UBAP2: variants seen among roughly 807,000 people sequenced by gnomAD.
UBAP2 encodes ubiquitin-associated protein 2.
In UBAP2, 75 loss-of-function variants were observed where a neutral mutation model predicts 139.6. The ratio of observed to expected loss-of-function variants is 0.54; its 90% CI spans 0.45 to 0.65. The LOEUF is 0.65. Ranked by LOEUF, UBAP2 falls within the 30% of genes least tolerant of loss-of-function variation. UBAP2 has a pLI of 0.00. For missense variants in UBAP2, 1,368 were observed against 1,369.6 expected (o/e 1.00, Z 0.02); for synonymous variants, 526 against 526.2 (o/e 1.00, Z 0.01).
chr9:34,013,859 AGAGCGAGGCTC>A (rs1823994725), intron 2 of UBAP2, among the ~76,000 whole-genome samples: 3 of 152,150 alleles, frequency 2.0e-5, no homozygotes, highest in African/African-American at 7.2e-5. Flanking sequence ...CCTGGGCGAC[AGAGCGAGGCTC>A]CATCTCAAAA....
At position 33,953,549 on chromosome 9, in the gene UBAP2, A is replaced by G. The variant is rs1029530005; in HGVS notation, c.867-75T>C. The G allele has an allele frequency of 9.9e-6, 14 of 1,412,020 alleles. No individual in the cohort carries two copies. In the South Asian group the frequency reaches 1.9e-4, roughly 19 times the overall value. The allele number at this position is 1,412,020 out of a possible 1,614,324, so 87.5% of individuals were successfully genotyped here. On this transcript the variant is annotated intron_variant, in intron 11 of 28. Coordinates refer to ENST00000379238, the MANE Select transcript of UBAP2 (RefSeq NM_001370062.2). ...ACAAATGAATGTGAGAAGTCAATCA[A>G]TATATAGTGAATTTACATTAAAAAT...
intron 6 of UBAP2, among the ~76,000 whole-genome samples, chr9:33,984,656 C>A (rs542888214): frequency 6.6e-6 from 1 of 150,456 alleles, no homozygotes; most frequent in African/African-American, 2.5e-5. Context: ...CCAGCCTGGG[C>A]AACAGAGTGA....
Position 33,948,370 on chromosome 9 carries a change from C to G in UBAP2, c.1270+4G>C. The G allele has an allele frequency of 6.2e-7, 1 of 1,604,020 alleles. No homozygotes were observed. Among genetic ancestry groups the G allele is most frequent in the African/African-American group, 1.3e-5 (1 of 74,874 alleles). On this transcript the variant is annotated splice_donor_region_variant and intron_variant, in intron 13 of 28. Transcript: ENST00000379238. ...GGGCAAACCCACAAACAATGTATAC[C>G]TACCAAGATGACTGAGGACTGAGGA...
intron 3 of UBAP2, chr9:33,996,902 A>C (rs187259313): frequency 6.6e-6 from 1 of 152,204 alleles, no homozygotes; most frequent in East Asian, 1.9e-4. Context: ...ATATAGTGAG[A>C]CCTCATCTTT....
At chr9:34,024,871 C>G (rs957030122) in intron 1 of UBAP2, among the ~76,000 whole-genome samples, 3 of 151,842 alleles carry the variant, frequency 2.0e-5, no homozygotes, top group Non-Finnish European at 4.4e-5. Context: ...GTAATCCCAG[C>G]TATTTGGGAG....
At chr9:34,028,997 T>C (rs1361191468) in intron 1 of UBAP2, among the ~76,000 whole-genome samples, 1 of 151,826 alleles carries the variant, frequency 6.6e-6, no homozygotes, top group African/African-American at 2.4e-5. Flanking sequence ...ACACCTGGAA[T>C]CCCACCCATT....
At chr9:33,995,407 A>G (rs1822079369) in intron 4 of UBAP2, 1 of 139,008 alleles carries the variant, frequency 7.2e-6, no homozygotes, top group Non-Finnish European at 1.5e-5. Context: ...TATATATATA[A>G]AGTATATATA....
chr9:34,041,929 G>A (rs1760815), intron 1 of UBAP2, among the ~76,000 whole-genome samples: 91,149 of 151,556 alleles, frequency 0.6, 27,792 homozygotes, highest in East Asian at 0.82. Flanking sequence ...GGAGGCTGAG[G>A]AAGGAGAATC....
chr9:34,015,578 C>T (rs1436324071), intron 2 of UBAP2, among the ~76,000 whole-genome samples: 2 of 152,070 alleles, frequency 1.3e-5, no homozygotes, highest in African/African-American at 2.4e-5. Flanking sequence ...CTGTCCACCT[C>T]GGCCTCCCAA....
At chr9:33,937,231 GA>G (rs1341324726) in intron 16 of UBAP2, among the ~76,000 whole-genome samples, 1 of 152,038 alleles carries the variant, frequency 6.6e-6, no homozygotes, top group Non-Finnish European at 1.5e-5. Context: ...TATACAGAGG[GA>G]AAAGTCTGAC....
intron 9 of UBAP2, among the ~76,000 whole-genome samples, chr9:33,962,862 C>T (rs998932570): frequency 1.3e-5 from 2 of 150,532 alleles, no homozygotes; most frequent in African/African-American, 4.9e-5. Flanking sequence ...CCTGTAAATC[C>T]CGGCTACTTG....
rs773651012 is a variant in UBAP2, at chr9:33,933,519, C to A, written c.2079G>T (p.Leu693=). ...TAAGCTGAGAGAGAGGGCTGCTAGT[C>A]AGGTCGCCAGTGTGCTGGGATGTGG... The part of the protein sequence containing the change: ...LPSTSQHTGD[L]TSSPLSQLSS... Residue 693 remains leucine, a synonymous_variant, in exon 18 of 29, where the codon CTG becomes CTT. Transcript: ENST00000379238. The A allele has an allele frequency of 1.9e-6, 3 of 1,613,914 alleles. No individual in the cohort carries two copies. The South Asian group carries it at 3.3e-5, about 18-fold the overall frequency.
intron 6 of UBAP2, among the ~76,000 whole-genome samples, chr9:33,974,437 G>A (rs1012444271): frequency 6.6e-6 from 1 of 152,146 alleles, no homozygotes; most frequent in Admixed American, 6.5e-5. Context: ...AGCCTGCGAA[G>A]TTGAGGCTGC....
intron 10 of UBAP2, among the ~76,000 whole-genome samples, chr9:33,958,594 G>T (rs569799213): frequency 6.6e-6 from 1 of 151,166 alleles, no homozygotes; most frequent in Admixed American, 6.6e-5. Flanking sequence ...TTTTAGTAGA[G>T]ACACGGTTTC....
At chr9:33,962,008 G>A (rs575958018) in intron 9 of UBAP2, among the ~76,000 whole-genome samples, 16 of 152,250 alleles carry the variant, frequency 1.1e-4, no homozygotes, top group Non-Finnish European at 1.5e-4. Context: ...TTTCAAAACC[G>A]AAAACATTTA....
In UBAP2 at chr9:34,048,379, G is replaced by C. The variant is rs528573989; in HGVS notation, c.-42+446C>G. On this transcript the variant is annotated intron_variant, in intron 1 of 28. Transcript: ENST00000379238. ...CCAGGAAAGGTTAGAGAGCGCATAAGTTGGGGCTATAACAGGGCCAGTCCC... is the reference window on the plus strand; with the variant it reads ...CCAGGAAAGGTTAGAGAGCGCATAACTTGGGGCTATAACAGGGCCAGTCCC... Among the ~76,000 whole-genome samples, 8 of 152,348 alleles carry C rather than the reference G, an allele frequency of 5.3e-5. No individual in the cohort carries two copies. In the South Asian group the frequency reaches 1.7e-3, roughly 32 times the overall value.
At position 33,980,220 on chromosome 9, in the gene UBAP2, C is replaced by CTTTTTTTTTTTTTTTT. The variant is rs1173781682; in HGVS notation, c.520+6524_520+6539dup. On this transcript the variant is annotated intron_variant, in intron 6 of 28. Coordinates refer to ENST00000379238, the MANE Select transcript of UBAP2 (RefSeq NM_001370062.2). The stretch of plus-strand genomic sequence containing the variant: ...TTAATCCAAATCCTGAGTGTCATTT[C>CTTTTTTTTTTTTTTTT]TTTTTTTTTTTTTTTTTTTTTTTTT... Among the ~76,000 whole-genome samples, 80 of 49,136 alleles carry CTTTTTTTTTTTTTTTT rather than the reference C, an allele frequency of 1.6e-3. 26 individuals carry two copies. The highest frequency in any genetic ancestry group is 2.4e-3 in the Non-Finnish European group (65 of 27,466). 32.2% of individuals were successfully genotyped at this position (49,136 alleles called of 152,430 possible).
intron 4 of UBAP2, chr9:33,995,539 T>TAAA (rs1822116498): frequency 7.4e-6 from 1 of 134,716 alleles, no homozygotes; most frequent in Non-Finnish European, 1.6e-5. Flanking sequence ...ATTTATATTA[T>TAAA]TAAATATATT....
intron 2 of UBAP2, among the ~76,000 whole-genome samples, chr9:34,008,201 C>T (rs1228783604): frequency 6.6e-6 from 1 of 151,746 alleles, no homozygotes; most frequent in Non-Finnish European, 1.5e-5. Flanking sequence ...GCCTGTAATC[C>T]CAGTTACTTG....
Sources: allele counts gnomAD v4.1 joint callset (sites outside exome capture counted in the v4.1 genomes callset), GRCh38; gene constraint gnomAD v4.1.1; transcripts MANE v1.5; gene names NCBI Gene and HGNC (gene_info 2026-07-23, HGNC 2026-07-21).